Variants in CACNA1E observed in about 807,000 individuals in gnomAD.
CACNA1E encodes voltage-dependent R-type calcium channel subunit alpha-1E.
A neutral mutation model predicts 259.2 loss-of-function variants in CACNA1E; 40 were observed. The observed-to-expected ratio is 0.15, with a 90% CI of 0.12 to 0.20. CACNA1E has a LOEUF of 0.20. Among genes scored for constraint, CACNA1E ranks in the 10% least tolerant of loss-of-function variants. CACNA1E has a pLI of 1.00. For synonymous variants in CACNA1E, 1,104 were observed against 1,138.5 expected (o/e 0.97, Z 0.61); for missense variants, 1,874 against 3,040.1 (o/e 0.62, Z 9.02).
chr1:181,370,320 G>A (rs1292876454), intron 1 of CACNA1E, among the ~76,000 whole-genome samples: 1 of 149,430 alleles, frequency 6.7e-6, no homozygotes, highest in Non-Finnish European at 1.5e-5. Context: ...GAGAGTACAT[G>A]TGGAGGTTTG....
chr1:181,320,969 G>A (rs1184694052), intron 1 of CACNA1E, among the ~76,000 whole-genome samples: 5 of 152,264 alleles, frequency 3.3e-5, no homozygotes, highest in South Asian at 2.1e-4. Context: ...GCCAACATCC[G>A]TTTCTGGTGA....
At chr1:181,795,913 A>G (rs572457944) in intron 46 of CACNA1E, among the ~76,000 whole-genome samples, 33 of 151,748 alleles carry the variant, frequency 2.2e-4, no homozygotes, top group Non-Finnish European at 2.9e-4. Context: ...CTTTCATTTC[A>G]ATCCTGGACT....
chr1:181,428,649 G>A (rs569883780), intron 2 of CACNA1E, among the ~76,000 whole-genome samples: 9 of 152,230 alleles, frequency 5.9e-5, no homozygotes, highest in African/African-American at 1.7e-4. Context: ...TGTGATTCTG[G>A]TTCTGCTGCA....
At chr1:181,405,769 G>A (rs961155465) in intron 1 of CACNA1E, among the ~76,000 whole-genome samples, 1 of 152,174 alleles carries the variant, frequency 6.6e-6, no homozygotes, top group East Asian at 1.9e-4. Flanking sequence ...ATGGAATGTG[G>A]AGAGTTGATA....
chr1:181,751,543 G>A (rs1408978306), intron 26 of CACNA1E, among the ~76,000 whole-genome samples: 3 of 152,224 alleles, frequency 2.0e-5, no homozygotes, highest in Non-Finnish European at 4.4e-5. Context: ...GTGGCCCAGT[G>A]AGAGTGTCAT....
chr1:181,685,790 A>G (rs1336717453), intron 7 of CACNA1E, among the ~76,000 whole-genome samples: 4 of 152,102 alleles, frequency 2.6e-5, no homozygotes, highest in African/African-American at 9.7e-5. Flanking sequence ...TCATAGTTTT[A>G]TTATTTCTGG....
intron 7 of CACNA1E, among the ~76,000 whole-genome samples, chr1:181,678,469 G>A (rs1649597856): frequency 6.6e-6 from 1 of 152,208 alleles, no homozygotes; most frequent in Admixed American, 6.5e-5. Context: ...TGTTTATAAA[G>A]TGTTAACCGC....
chr1:181,365,686 C>T (rs554988903), intron 1 of CACNA1E, among the ~76,000 whole-genome samples: 1 of 152,302 alleles, frequency 6.6e-6, no homozygotes, highest in South Asian at 2.1e-4. Flanking sequence ...GGAGGGGCAT[C>T]CCAGCAAGAA....
intron 7 of CACNA1E, among the ~76,000 whole-genome samples, chr1:181,690,143 A>C (rs560860482): frequency 3.9e-5 from 6 of 152,084 alleles, no homozygotes; most frequent in Non-Finnish European, 8.8e-5. Flanking sequence ...ATCTTGAGTT[A>C]ATTTTTGTAT....
At chr1:181,540,091 T>G (rs2102777044) in intron 3 of CACNA1E, among the ~76,000 whole-genome samples, 1 of 152,288 alleles carries the variant, frequency 6.6e-6, no homozygotes, top group South Asian at 2.1e-4. Context: ...TGATGCACAG[T>G]TAGACCCTTC....
intron 3 of CACNA1E, among the ~76,000 whole-genome samples, chr1:181,548,834 T>A (rs966036413): frequency 6.6e-6 from 1 of 152,244 alleles, no homozygotes; most frequent in Non-Finnish European, 1.5e-5. Flanking sequence ...TTATCCATCA[T>A]GTTTAGTTGG....
chr1:181,763,304 T>C, intron 33 of CACNA1E, 102 bp from the exon 34 acceptor site: 1 of 960,376 alleles, frequency 1.0e-6, no homozygotes, highest in Admixed American at 2.2e-5. Flanking sequence ...AGAGACTGTG[T>C]CCCATTTATC....
chr1:181,327,845 A>G (rs148689763), intron 1 of CACNA1E, among the ~76,000 whole-genome samples: 19 of 152,312 alleles, frequency 1.2e-4, no homozygotes, highest in Middle Eastern at 3.4e-3. Flanking sequence ...AACAGTTAGC[A>G]TTTCTCACAA....
chr1:181,765,176 C>G (rs1277360679), intron 34 of CACNA1E, among the ~76,000 whole-genome samples: 1 of 152,140 alleles, frequency 6.6e-6, no homozygotes, highest in Non-Finnish European at 1.5e-5. Flanking sequence ...AAACAGCATC[C>G]AGTTTTCTAC....
intron 6 of CACNA1E, among the ~76,000 whole-genome samples, chr1:181,630,497 G>C (rs999951163): frequency 1.3e-5 from 2 of 152,082 alleles, no homozygotes; most frequent in South Asian, 4.1e-4. Context: ...CCCACTGAGG[G>C]GGCAGGCAGG....
chr1:181,340,890 C>G (rs1457993315), intron 1 of CACNA1E, among the ~76,000 whole-genome samples: 2 of 152,124 alleles, frequency 1.3e-5, no homozygotes, highest in African/African-American at 2.4e-5. Flanking sequence ...TTACATTTGT[C>G]TACAAACTGT....
At chr1:181,379,650 G>T (rs1484504056) in intron 1 of CACNA1E, among the ~76,000 whole-genome samples, 1 of 152,138 alleles carries the variant, frequency 6.6e-6, no homozygotes, top group Non-Finnish European at 1.5e-5. Flanking sequence ...GGGCTAGCTA[G>T]CTCTCTGGGA....
chr1:181,749,329 C>T (rs1657385273), intron 25 of CACNA1E, among the ~76,000 whole-genome samples: 2 of 152,200 alleles, frequency 1.3e-5, no homozygotes, highest in African/African-American at 4.8e-5. Flanking sequence ...TGTTTCTAAA[C>T]TCACTCAGTG....
chr1:181,525,659 C>G (rs150729175), intron 3 of CACNA1E, among the ~76,000 whole-genome samples: 49 of 152,310 alleles, frequency 3.2e-4, no homozygotes, highest in African/African-American at 1.1e-3. Context: ...TTACTAATTT[C>G]TTTTCTATCC....
Sources: allele counts gnomAD v4.1 joint callset (sites outside exome capture counted in the v4.1 genomes callset), GRCh38; gene constraint gnomAD v4.1.1; transcripts MANE v1.5; gene names NCBI Gene and HGNC (gene_info 2026-07-23, HGNC 2026-07-21).